SAMMSON: variants seen among roughly 807,000 people sequenced by gnomAD.
The protein encoded by SAMMSON is long intergenic non-protein coding RNA 1212.
chr3:70,028,786 G>T (rs1038431998), intron 3 of SAMMSON, among the ~76,000 whole-genome samples: 4 of 152,176 alleles, frequency 2.6e-5, no homozygotes, highest in Non-Finnish European at 5.9e-5. Flanking sequence ...TGTGTCTCAT[G>T]TTTTTCTAGT....
chr3:70,141,247 G>T (rs931633280), intron 4 of SAMMSON, among the ~76,000 whole-genome samples: 1 of 152,124 alleles, frequency 6.6e-6, no homozygotes, highest in Non-Finnish European at 1.5e-5. Flanking sequence ...CAATCATGAG[G>T]CTGAGAAGTC....
chr3:70,353,415 G>C (rs1420750270), intron 7 of SAMMSON, among the ~76,000 whole-genome samples: 1 of 151,934 alleles, frequency 6.6e-6, no homozygotes, highest in Admixed American at 6.6e-5. Flanking sequence ...ATGGGTAAAA[G>C]AAATAAAGAA....
intron 4 of SAMMSON, among the ~76,000 whole-genome samples, chr3:70,087,035 T>C (rs1042479768): frequency 3.3e-5 from 5 of 152,160 alleles, no homozygotes; most frequent in African/African-American, 1.2e-4. Context: ...ATATAACCCC[T>C]TTCTGAACCT....
At chr3:70,324,153 C>A (rs142959951) in intron 7 of SAMMSON, among the ~76,000 whole-genome samples, 12 of 148,662 alleles carry the variant, frequency 8.1e-5, no homozygotes, top group Non-Finnish European at 1.2e-4. Context: ...CTTTACATCT[C>A]TCTATCTATC....
intron 2 of SAMMSON, among the ~76,000 whole-genome samples, chr3:70,402,909 C>T (rs377737041): frequency 2.6e-5 from 4 of 151,888 alleles, no homozygotes; most frequent in Admixed American, 2.0e-4. Flanking sequence ...CTCTCTCTAC[C>T]ATTTATATAC....
chr3:70,337,022 T>A (rs1702666958), intron 7 of SAMMSON, among the ~76,000 whole-genome samples: 1 of 139,326 alleles, frequency 7.2e-6, no homozygotes, highest in African/African-American at 2.6e-5. Flanking sequence ...AATATTATTA[T>A]TATTAATAAT....
rs1553664169 is a variant in SAMMSON, at chr3:70,418,999, C to CTCTCTT, written n.234-43558_234-43557insCTTTCT. Among the ~76,000 whole-genome samples the CTCTCTT allele has an allele frequency of 8.7e-3, 1,041 of 119,150 alleles. 23 individuals carry two copies. Among genetic ancestry groups the CTCTCTT allele is most frequent in the Non-Finnish European group, 0.013 (797 of 59,950 alleles). 78.2% of individuals were successfully genotyped at this position (119,150 alleles called of 152,430 possible). A position where few individuals can be genotyped will look rare whatever the true frequency, so the allele number is the denominator to read the frequency against. ...CTTCCTTCTCTCTCTCTCTCTCTCT[C>CTCTCTT]TCTTTCTTTCTTTCTTTCCTTCTTT... is the stretch of plus-strand genomic sequence containing the variant. On this transcript the variant is annotated intron_variant and non_coding_transcript_variant, in intron 2 of 3. Coordinates refer to the SAMMSON transcript ENST00000641053.
At chr3:70,249,789 C>T (rs941096546) in intron 6 of SAMMSON, 2 of 152,090 alleles carry the variant, frequency 1.3e-5, no homozygotes, top group African/African-American at 4.8e-5. Flanking sequence ...ATTAGAGTTG[C>T]TAAGATACGG....
intron 4 of SAMMSON, among the ~76,000 whole-genome samples, chr3:70,247,124 T>C (rs1259276853): frequency 2.6e-5 from 4 of 152,088 alleles, no homozygotes; most frequent in African/African-American, 9.6e-5. Flanking sequence ...TTCATGTTGC[T>C]TGAATGAATT....
chr3:70,427,656 T>C (rs1419898160), intron 2 of SAMMSON, among the ~76,000 whole-genome samples: 1 of 148,666 alleles, frequency 6.7e-6, no homozygotes, highest in Non-Finnish European at 1.5e-5. Context: ...GAGAATGGCA[T>C]GAACCCGGGA....
At chr3:70,410,454 T>A (rs1326891638) in intron 2 of SAMMSON, among the ~76,000 whole-genome samples, 1 of 152,194 alleles carries the variant, frequency 6.6e-6, no homozygotes, top group African/African-American at 2.4e-5. Context: ...AAGTACGTGG[T>A]CTATTTTTAA....
intron 6 of SAMMSON, among the ~76,000 whole-genome samples, chr3:70,268,170 CTTA>C (rs144464484): frequency 0.1 from 15,201 of 152,048 alleles, 889 homozygotes; most frequent in South Asian, 0.21. Flanking sequence ...GCACAGCCAC[CTTA>C]TTATCAACAT....
intron 3 of SAMMSON, among the ~76,000 whole-genome samples, chr3:70,052,489 C>T (rs2067150258): frequency 6.6e-6 from 1 of 152,044 alleles, no homozygotes; most frequent in Admixed American, 6.6e-5. Flanking sequence ...ATAATTTCAG[C>T]ATTAAATTTT....
chr3:70,209,810 C>CAA (rs1701325596), intron 4 of SAMMSON, among the ~76,000 whole-genome samples: 1 of 152,106 alleles, frequency 6.6e-6, no homozygotes, highest in Admixed American at 6.6e-5. Flanking sequence ...TCGAGCCTTG[C>CAA]AAATAGCTGG....
At chr3:70,038,106 A>C (rs572065662) in intron 3 of SAMMSON, among the ~76,000 whole-genome samples, 1 of 152,208 alleles carries the variant, frequency 6.6e-6, no homozygotes, top group South Asian at 2.1e-4. Flanking sequence ...AAACTTCTTG[A>C]GTATTGCCAC....
chr3:70,315,579 C>T (rs1288493442), intron 7 of SAMMSON, among the ~76,000 whole-genome samples: 1 of 152,120 alleles, frequency 6.6e-6, no homozygotes, highest in African/African-American at 2.4e-5. Context: ...TAAGGGTATT[C>T]CATAATGATG....
At chr3:70,190,447 C>G (rs1054710875) in intron 4 of SAMMSON, among the ~76,000 whole-genome samples, 2 of 152,188 alleles carry the variant, frequency 1.3e-5, no homozygotes, top group South Asian at 2.1e-4. Context: ...ATTGAAAGCT[C>G]ACTTCACAAT....
At chr3:70,073,870 TG>T (rs1261957868) in intron 4 of SAMMSON, among the ~76,000 whole-genome samples, 36 of 152,080 alleles carry the variant, frequency 2.4e-4, no homozygotes, top group African/African-American at 4.8e-5. Context: ...AGATATTATC[TG>T]TGTCTTCTTT....
intron 4 of SAMMSON, among the ~76,000 whole-genome samples, chr3:70,230,790 C>T (rs1186335941): frequency 1.3e-5 from 2 of 152,160 alleles, no homozygotes; most frequent in African/African-American, 4.8e-5. Flanking sequence ...ATGGTGAGAC[C>T]AAGGTCCAAA....
Sources: allele counts gnomAD v4.1 joint callset (sites outside exome capture counted in the v4.1 genomes callset), GRCh38; gene constraint gnomAD v4.1.1; transcripts MANE v1.5; gene names NCBI Gene and HGNC (gene_info 2026-07-23, HGNC 2026-07-21).